The following TOM1L2 variants were observed in gnomAD, a reference collection of about 807,000 sequenced individuals.
The protein encoded by TOM1L2 is target of myb1 like 2 membrane trafficking protein, also known as TOM1-like protein 2.
In TOM1L2, 31 loss-of-function variants were observed where a neutral mutation model predicts 67.9. The ratio of observed to expected loss-of-function variants is 0.46; its 90% CI spans 0.34 to 0.62. The LOEUF (loss-of-function observed/expected upper bound fraction) is 0.62. TOM1L2 is among the 20% of genes least tolerant of loss of function. TOM1L2 has a pLI of 0.01. For synonymous variants in TOM1L2, 256 were observed against 254.0 expected, an observed-to-expected ratio of 1.01 and a Z score of -0.07; for missense variants, 606 against 663.5, an observed-to-expected ratio of 0.91 and a Z score of 0.95.
At chr17:17,892,466 C>T (rs553984572) in intron 4 of TOM1L2, among the ~76,000 whole-genome samples, 4 of 152,266 alleles carry the variant, frequency 2.6e-5, no homozygotes, top group Admixed American at 6.5e-5. Context: ...TGTGTCACCA[C>T]GTGCTCTGTC....
chr17:17,959,231 A>G (rs912830814), intron 1 of TOM1L2, among the ~76,000 whole-genome samples: 15 of 152,182 alleles, frequency 9.9e-5, no homozygotes, highest in African/African-American at 3.6e-4. Context: ...TGTGACTGGC[A>G]TGTGAAGTGG....
At chr17:17,941,373 G>A (rs933672516) in intron 1 of TOM1L2, among the ~76,000 whole-genome samples, 1 of 152,040 alleles carries the variant, frequency 6.6e-6, no homozygotes, top group Non-Finnish European at 1.5e-5. Flanking sequence ...GACTATGGAC[G>A]ACTCCCTTAT....
chr17:17,921,270 C>T (rs2039856477), intron 1 of TOM1L2, among the ~76,000 whole-genome samples: 1 of 152,182 alleles, frequency 6.6e-6, no homozygotes, highest in African/African-American at 2.4e-5. Flanking sequence ...AACAAAGGAA[C>T]CCTTCAGGCC....
At chr17:17,860,938 C>A (rs2036524044) in intron 12 of TOM1L2, among the ~76,000 whole-genome samples, 1 of 152,228 alleles carries the variant, frequency 6.6e-6, no homozygotes, top group Admixed American at 6.5e-5. Flanking sequence ...TGTAAACAAA[C>A]CCTGGCTCTC....
intron 1 of TOM1L2, among the ~76,000 whole-genome samples, chr17:17,967,855 G>A (rs2041926715): frequency 6.6e-6 from 1 of 151,992 alleles, no homozygotes; most frequent in African/African-American, 2.4e-5. Context: ...TGATCCACCC[G>A]CCACGGCCTC....
Position 17,850,979 on chromosome 17 carries a change from G to C in TOM1L2, c.1279-27C>G, listed in dbSNP as rs890021307. On this transcript the variant is annotated intron_variant, in intron 12 of 14. Transcript: ENST00000379504. ...TATGGAGGCGGCAAGCAGCGGGCCA[G>C]GCAGCCCCCACACAGCCAGCGAGGG... 3 of 1,612,884 alleles carry C rather than the reference G, an allele frequency of 1.9e-6. No individual in the cohort carries two copies. In the African/African-American group the frequency reaches 4.0e-5, roughly 22 times the overall value.
At chr17:17,875,176 G>T (rs1404686441) in intron 7 of TOM1L2, among the ~76,000 whole-genome samples, 2 of 151,150 alleles carry the variant, frequency 1.3e-5, no homozygotes, top group African/African-American at 2.4e-5. Context: ...AGAATCACTT[G>T]AACCCAGGAG....
In TOM1L2 at chr17:17,869,369, G is replaced by A; in HGVS notation, c.882C>T (p.Asp294=). The A allele has an allele frequency of 6.2e-7, 1 of 1,612,842 alleles. No homozygotes were observed. Among genetic ancestry groups the A allele is most frequent in the South Asian group, 1.1e-5 (1 of 91,052 alleles). Residue 294 remains aspartate (D), a synonymous_variant, in exon 8 of 15, where the codon GAC becomes GAT. Transcript: ENST00000379504. ...VTEELLHVND[D]LNNVFLRYER... ...CGTATCGAAGGAAGACGTTGTTGAGGTCATCGTTCACATGCAGCAGCTCCT... is the reference window on the plus strand; with the variant it reads ...CGTATCGAAGGAAGACGTTGTTGAGATCATCGTTCACATGCAGCAGCTCCT...
At chr17:17,891,217 A>G (rs1045893756) in intron 4 of TOM1L2, among the ~76,000 whole-genome samples, 1 of 152,228 alleles carries the variant, frequency 6.6e-6, no homozygotes, top group Admixed American at 6.5e-5. Context: ...GCCTCAGAAC[A>G]TGGTGCTGGC....
At chr17:17,970,055 GTTGT>G (rs1320465825) in intron 1 of TOM1L2, among the ~76,000 whole-genome samples, 4 of 151,818 alleles carry the variant, frequency 2.6e-5, no homozygotes, top group Admixed American at 6.6e-5. Flanking sequence ...TGTTGTTGTT[GTTGT>G]TTGTTTGTTT....
intron 12 of TOM1L2, among the ~76,000 whole-genome samples, chr17:17,854,761 T>C (rs1209701598): frequency 6.6e-6 from 1 of 151,898 alleles, no homozygotes; most frequent in Middle Eastern, 3.2e-3. Flanking sequence ...CTCAAACTCC[T>C]GGCCTCAAAT....
chr17:17,920,368 T>C, intron 1 of TOM1L2, among the ~76,000 whole-genome samples: 1 of 137,604 alleles, frequency 7.3e-6, no homozygotes, highest in African/African-American at 2.9e-5. Context: ...TGAGATGGAG[T>C]CTCGCTCTGT....
chr17:17,867,289 G>C (rs749424036), intron 8 of TOM1L2, among the ~76,000 whole-genome samples: 2 of 152,138 alleles, frequency 1.3e-5, no homozygotes, highest in Non-Finnish European at 2.9e-5. Flanking sequence ...GTGTTCAGGA[G>C]CAACTAGCTA....
chr17:17,920,422 C>T (rs2039811908), intron 1 of TOM1L2, among the ~76,000 whole-genome samples: 1 of 146,000 alleles, frequency 6.8e-6, no homozygotes, highest in Non-Finnish European at 1.5e-5. Context: ...CTCACCACAA[C>T]CGCCGGCTCC....
rs188984784 is a variant in TOM1L2 at position 17,962,609 on chromosome 17, T to C, written c.52+9653A>G. Among the ~76,000 whole-genome samples, 14 of 152,036 alleles carry C rather than the reference T, an allele frequency of 9.2e-5. 1 individual carries two copies. The highest frequency in any genetic ancestry group is 2.0e-4 in the Admixed American group (3 of 15,280). ...GATTAAAGGCATGAGCCACCGCGAC[T>C]GGCCCAATGTGAATATATTTAATGC... On this transcript the variant is annotated intron_variant, in intron 1 of 14. Transcript: ENST00000379504.
At chr17:17,857,862 A>G in intron 12 of TOM1L2, 1 of 1,535,538 alleles carries the variant, frequency 6.5e-7, no homozygotes, top group South Asian at 1.2e-5. Flanking sequence ...AAGTCTCAGA[A>G]AGAAAAGTCA....
chr17:17,872,639 C>A (rs1417248871), intron 7 of TOM1L2, among the ~76,000 whole-genome samples: 3 of 152,214 alleles, frequency 2.0e-5, no homozygotes, highest in African/African-American at 7.2e-5. Flanking sequence ...GTCTCCTCCC[C>A]AGGGATGTGG....
chr17:17,935,076 C>T (rs1295414858), intron 1 of TOM1L2, among the ~76,000 whole-genome samples: 1 of 152,236 alleles, frequency 6.6e-6, no homozygotes, highest in Admixed American at 6.5e-5. Flanking sequence ...GCATAGAAAG[C>T]AGCCAGCTAT....
In TOM1L2 at chr17:17,871,754, T is replaced by TTC. The variant is rs1305896195; in HGVS notation, c.778-2283_778-2282dup. On this transcript the variant is annotated intron_variant, in intron 7 of 14. Transcript: ENST00000379504. ...CTCAGTTATCCACATACTCTCAGTC[T>TTC]TCTCAGCACTCTTCACTCAGAGAAT... Among the ~76,000 whole-genome samples the TTC allele has an allele frequency of 2.0e-5, 3 of 152,226 alleles. No homozygotes were observed. In the East Asian group the frequency reaches 5.8e-4, roughly 29 times the overall value.
Sources: gnomAD v4.1 joint callset for allele counts (sites outside exome capture counted in the v4.1 genomes callset) on GRCh38, gnomAD v4.1.1 for gene constraint, MANE v1.5 for transcripts, NCBI Gene and HGNC (gene_info 2026-07-23, HGNC 2026-07-21) for gene names.